Variants in HS3ST3A1 observed in about 807,000 individuals in gnomAD.
The protein encoded by HS3ST3A1 is heparan sulfate-glucosamine 3-sulfotransferase 3A1.
A neutral mutation model predicts 25.7 loss-of-function variants in HS3ST3A1; 19 were observed. The ratio of observed to expected loss-of-function variants is 0.74; its 90% CI spans 0.52 to 1.08. HS3ST3A1 has a LOEUF of 1.08. HS3ST3A1 is among the 50% of genes least tolerant of loss of function. HS3ST3A1 has a pLI of 0.00. For synonymous variants in HS3ST3A1, 226 were observed against 278.6 expected (o/e 0.81, Z 1.88); for missense variants, 459 against 594.3 (o/e 0.77, Z 2.37).
chr17:13,513,811 A>G (rs555838312), intron 1 of HS3ST3A1, among the ~76,000 whole-genome samples: 27 of 152,218 alleles, frequency 1.8e-4, no homozygotes, highest in Non-Finnish European at 3.8e-4. Flanking sequence ...GTTTCCTCGA[A>G]GTAGAAATGA....
chr17:13,510,613 CTA>C (rs1009427817), intron 1 of HS3ST3A1, among the ~76,000 whole-genome samples: 1 of 152,100 alleles, frequency 6.6e-6, no homozygotes, highest in Admixed American at 6.5e-5. Context: ...TGACTTGCAG[CTA>C]TGATTTTGGC....
chr17:13,523,361 G>A (rs921861695), intron 1 of HS3ST3A1, among the ~76,000 whole-genome samples: 1 of 152,236 alleles, frequency 6.6e-6, no homozygotes, highest in South Asian at 2.1e-4. Context: ...CGTAGTAATG[G>A]GTAAGACAAA....
chr17:13,573,594 A>C (rs1322920046), intron 1 of HS3ST3A1, among the ~76,000 whole-genome samples: 1 of 152,198 alleles, frequency 6.6e-6, no homozygotes, highest in Non-Finnish European at 1.5e-5. Flanking sequence ...CCACCAGCCC[A>C]AAAGACAGTA....
chr17:13,542,098 C>T (rs1479249758), intron 1 of HS3ST3A1, among the ~76,000 whole-genome samples: 1 of 152,042 alleles, frequency 6.6e-6, no homozygotes, highest in Non-Finnish European at 1.5e-5. Flanking sequence ...GAGGCCAAGG[C>T]AGGTGGATCA....
intron 1 of HS3ST3A1, among the ~76,000 whole-genome samples, chr17:13,545,321 G>A (rs531268451): frequency 3.9e-5 from 6 of 152,344 alleles, no homozygotes; most frequent in African/African-American, 1.4e-4. Flanking sequence ...CACAATGAAT[G>A]GAGACATCAG....
chr17:13,549,345 A>T (rs1907179626), intron 1 of HS3ST3A1, among the ~76,000 whole-genome samples: 1 of 152,194 alleles, frequency 6.6e-6, no homozygotes, highest in Non-Finnish European at 1.5e-5. Flanking sequence ...AAGAACTGTA[A>T]CACTCACTGT....
At chr17:13,574,195 G>T (rs8070276) in intron 1 of HS3ST3A1, among the ~76,000 whole-genome samples, 8,435 of 147,962 alleles carry the variant, frequency 0.057, 814 homozygotes, top group African/African-American at 0.2. Flanking sequence ...GTACAGTGGC[G>T]CGATCTCAGC....
chr17:13,533,262 G>A (rs1298516633), intron 1 of HS3ST3A1, among the ~76,000 whole-genome samples: 1 of 152,008 alleles, frequency 6.6e-6, no homozygotes. Context: ...CTTAATAAGG[G>A]AAATAGGAAA....
intron 1 of HS3ST3A1, among the ~76,000 whole-genome samples, chr17:13,541,787 G>T (rs754091571): frequency 4.6e-5 from 7 of 152,148 alleles, no homozygotes; most frequent in Non-Finnish European, 8.8e-5. Context: ...AATCTTGAAG[G>T]CTACTTGAAG....
At chr17:13,533,491 A>C (rs541879444) in intron 1 of HS3ST3A1, among the ~76,000 whole-genome samples, 3 of 98,178 alleles carry the variant, frequency 3.1e-5, no homozygotes, top group African/African-American at 1.0e-4. Flanking sequence ...AATAATGAAA[A>C]TATACAAAGA....
intron 1 of HS3ST3A1, among the ~76,000 whole-genome samples, chr17:13,512,333 T>C (rs1195993880): frequency 7.7e-6 from 1 of 129,950 alleles, no homozygotes; most frequent in Non-Finnish European, 1.7e-5. Context: ...AAAAACTGCA[T>C]GATCCCATTT....
At chr17:13,578,503 C>A (rs1908010907) in intron 1 of HS3ST3A1, among the ~76,000 whole-genome samples, 1 of 145,098 alleles carries the variant, frequency 6.9e-6, no homozygotes, top group South Asian at 2.2e-4. Flanking sequence ...GCAGAGGTTG[C>A]AGTGAGCCAA....
intron 1 of HS3ST3A1, among the ~76,000 whole-genome samples, chr17:13,539,130 G>C (rs9908274): frequency 0.44 from 66,939 of 151,956 alleles, 16,326 homozygotes; most frequent in African/African-American, 0.66. Flanking sequence ...TCCTCAGCAG[G>C]GTTGTTGAAT....
chr17:13,521,714 A>G (rs1426074693), intron 1 of HS3ST3A1, among the ~76,000 whole-genome samples: 1 of 152,196 alleles, frequency 6.6e-6, no homozygotes, highest in Non-Finnish European at 1.5e-5. Flanking sequence ...AAATTGCTCT[A>G]ATTATTCCTC....
intron 1 of HS3ST3A1, among the ~76,000 whole-genome samples, chr17:13,597,953 T>C (rs1908625626): frequency 6.6e-6 from 1 of 152,204 alleles, no homozygotes; most frequent in African/African-American, 2.4e-5. Context: ...CAAACTATCA[T>C]GGCTAACTGA....
chr17:13,554,915 C>T (rs908388645), intron 1 of HS3ST3A1, among the ~76,000 whole-genome samples: 3 of 152,132 alleles, frequency 2.0e-5, no homozygotes, highest in Admixed American at 6.5e-5. Context: ...TGCCCCCTAA[C>T]TCTATTCCAC....
At chr17:13,588,344 T>G (rs529284471) in intron 1 of HS3ST3A1, among the ~76,000 whole-genome samples, 1 of 151,998 alleles carries the variant, frequency 6.6e-6, no homozygotes, top group African/African-American at 2.4e-5. Context: ...TCATAGTGAG[T>G]CTATTCGTGG....
intron 1 of HS3ST3A1, 107 bp downstream of exon 1, chr17:13,600,424 T>C (rs1465994195): frequency 4.2e-6 from 6 of 1,412,128 alleles, no homozygotes; most frequent in South Asian, 1.5e-5. Context: ...GCCTTCTGCA[T>C]GAAGTGGGGA....
chr17:13,573,046 G>T (rs779589446), intron 1 of HS3ST3A1, among the ~76,000 whole-genome samples: 2 of 152,136 alleles, frequency 1.3e-5, no homozygotes. Flanking sequence ...TTCCACTGAT[G>T]TCTGGATTTC....
Sources: gnomAD v4.1 joint callset for allele counts (sites outside exome capture counted in the v4.1 genomes callset) on GRCh38, gnomAD v4.1.1 for gene constraint, MANE v1.5 for transcripts, NCBI Gene and HGNC (gene_info 2026-07-23, HGNC 2026-07-21) for gene names.